The following CSMD1 variants were observed in gnomAD, a reference collection of about 807,000 sequenced individuals.
CSMD1 encodes the protein CUB and sushi domain-containing protein 1.
In CSMD1, 213 loss-of-function variants were observed where a neutral mutation model predicts 417.5. The ratio of observed to expected loss-of-function variants is 0.51; its 90% CI spans 0.46 to 0.57. The LOEUF (loss-of-function observed/expected upper bound fraction) is 0.57. Ranked by LOEUF, CSMD1 falls within the 20% of genes least tolerant of loss-of-function variation. The probability of loss-of-function intolerance (pLI) is 0.00; values close to 1 mark genes in which losing one functional copy is unlikely to be tolerated. For missense variants in CSMD1, 6,923 were observed against 4,529.7 expected, an observed-to-expected ratio of 1.53 and a Z score of -15.17; for synonymous variants, 2,862 against 1,736.8, an observed-to-expected ratio of 1.65 and a Z score of -16.11.
intron 1 of CSMD1, among the ~76,000 whole-genome samples, chr8:4,935,439 G>C (rs1356931729): frequency 3.9e-5 from 6 of 152,202 alleles, no homozygotes; most frequent in Non-Finnish European, 5.9e-5. Flanking sequence ...TCTAATGCTT[G>C]CAGAAGACTA....
Position 4,254,950 on chromosome 8 carries a change from G to C in CSMD1, c.415+165003C>G, listed in dbSNP as rs146196164. ...CATCACTAATCAACACATGACTGGA[G>C]TGGACTCCATAACCATCGACTTTAA... is the stretch of plus-strand genomic sequence containing the variant. On this transcript the variant is annotated intron_variant, in intron 3 of 69. Coordinates refer to ENST00000635120, the MANE Select transcript of CSMD1 (RefSeq NM_033225.6). 1.2e-3 allele frequency among the ~76,000 whole-genome samples: 189 copies of C among 152,302 alleles called. 2 individuals carry two copies. In the East Asian group the frequency reaches 0.029, roughly 23 times the overall value.
At chr8:3,910,862 G>A (rs1215331868) in intron 5 of CSMD1, among the ~76,000 whole-genome samples, 1 of 152,158 alleles carries the variant, frequency 6.6e-6, no homozygotes, top group African/African-American at 2.4e-5. Context: ...TTCCTTGGAT[G>A]CAATGAATTT....
At chr8:3,951,601 A>G (rs1811606118) in intron 5 of CSMD1, among the ~76,000 whole-genome samples, 1 of 152,218 alleles carries the variant, frequency 6.6e-6, no homozygotes, top group Non-Finnish European at 1.5e-5. Flanking sequence ...CGAGAGAAAT[A>G]CTACTACTCT....
chr8:4,824,868 T>A (rs1163584446), intron 1 of CSMD1, among the ~76,000 whole-genome samples: 1 of 152,130 alleles, frequency 6.6e-6, no homozygotes, highest in Non-Finnish European at 1.5e-5. Context: ...GAAATGTCAT[T>A]GTAATAGAAC....
At chr8:3,274,608 G>A (rs780166501) in intron 26 of CSMD1, among the ~76,000 whole-genome samples, 1 of 152,108 alleles carries the variant, frequency 6.6e-6, no homozygotes, top group Non-Finnish European at 1.5e-5. Context: ...GAATCTGGGT[G>A]CTCCTGTATT....
chr8:3,141,192 G>A (rs1818417175), intron 41 of CSMD1, among the ~76,000 whole-genome samples: 1 of 152,166 alleles, frequency 6.6e-6, no homozygotes, highest in South Asian at 2.1e-4. Flanking sequence ...CAGGTGGGAT[G>A]GGAGTACAGG....
intron 4 of CSMD1, among the ~76,000 whole-genome samples, chr8:4,026,310 C>G (rs933145255): frequency 1.3e-5 from 2 of 152,072 alleles, no homozygotes; most frequent in African/African-American, 4.8e-5. Context: ...CTGAGAAAAG[C>G]AAAATTTAAA....
intron 10 of CSMD1, among the ~76,000 whole-genome samples, chr8:3,511,090 T>C (rs1333884155): frequency 6.6e-6 from 1 of 151,748 alleles, no homozygotes; most frequent in Non-Finnish European, 1.5e-5. Context: ...GGGACATGGA[T>C]GAAGCTGGAA....
At chr8:4,149,606 A>G (rs1796459427) in intron 3 of CSMD1, among the ~76,000 whole-genome samples, 1 of 152,212 alleles carries the variant, frequency 6.6e-6, no homozygotes, top group South Asian at 2.1e-4. Flanking sequence ...GAAATAAACA[A>G]CTGGTCCTTC....
chr8:2,955,720 G>A lies in CSMD1; in HGVS notation c.9863C>T (p.Ala3288Val), dbSNP rs1360565794. The change falls in exon 64 of 70, where the codon GCC becomes GTC. Residue 3288 changes from alanine (A) to valine (V), a missense_variant. Transcript: ENST00000635120. ...GTAGCCGAAAGTAGGAAGATCGATG[G>A]CTCTCACATCCGCGTGTGCCGGGGT... ...PETPAHADVR[A>V]IDLPTFGYTL... 1.2e-6 allele frequency: 2 copies of A among 1,613,790 alleles called. No individual in the cohort carries two copies. The highest frequency in any genetic ancestry group is 2.7e-5 in the African/African-American group (2 of 74,928).
At position 4,446,357 on chromosome 8, in the gene CSMD1, G is replaced by A. The variant is rs12216714; in HGVS notation, c.303-26292C>T. ...GAGCCCAGGAGTTTGAAACCAGCCT[G>A]GGCAACATGGCAGAACCCCAACTCC... On this transcript the variant is annotated intron_variant, in intron 2 of 69. Coordinates refer to ENST00000635120, the MANE Select transcript of CSMD1 (RefSeq NM_033225.6). Among the ~76,000 whole-genome samples, 280 of 152,180 alleles carry A rather than the reference G, an allele frequency of 1.8e-3. 1 individual carries two copies. The highest frequency in any genetic ancestry group is 3.3e-3 in the Non-Finnish European group (223 of 67,998).
chr8:4,447,811 G>T (rs1220907837), intron 2 of CSMD1, among the ~76,000 whole-genome samples: 1 of 152,138 alleles, frequency 6.6e-6, no homozygotes, highest in African/African-American at 2.4e-5. Context: ...ACACAACTAA[G>T]AAGTCACAAC....
intron 5 of CSMD1, among the ~76,000 whole-genome samples, chr8:3,916,507 C>T (rs1012041314): frequency 6.6e-6 from 1 of 152,150 alleles, no homozygotes; most frequent in South Asian, 2.1e-4. Context: ...TGGGAATTAA[C>T]TTCCTACTTA....
chr8:3,524,616 TACAC>T (rs769472817), intron 10 of CSMD1, among the ~76,000 whole-genome samples: 221 of 133,720 alleles, frequency 1.7e-3, no homozygotes, highest in Non-Finnish European at 2.7e-3. Context: ...CACATGCACA[TACAC>T]ACATGCACAC....
At chr8:3,685,330 T>G (rs185567548) in intron 7 of CSMD1, among the ~76,000 whole-genome samples, 143 of 152,318 alleles carry the variant, frequency 9.4e-4, no homozygotes, top group Non-Finnish European at 1.8e-3. Context: ...GTAAAAATTT[T>G]TTGAATCTTC....
At chr8:3,195,302 G>C (rs1235092037) in intron 33 of CSMD1, among the ~76,000 whole-genome samples, 3 of 152,148 alleles carry the variant, frequency 2.0e-5, no homozygotes, top group Non-Finnish European at 4.4e-5. Context: ...AAATCCACAG[G>C]AGCCTCGGAG....
intron 4 of CSMD1, among the ~76,000 whole-genome samples, chr8:3,999,939 G>C (rs770986771): frequency 3.9e-5 from 6 of 152,300 alleles, no homozygotes; most frequent in East Asian, 1.9e-4. Flanking sequence ...TTTATTTTAA[G>C]ATTAATAATT....
intron 1 of CSMD1, among the ~76,000 whole-genome samples, chr8:4,845,587 TTATTGGGTTCCTACCATG>T (rs1801095126): frequency 1.3e-5 from 2 of 152,352 alleles, no homozygotes; most frequent in Admixed American, 6.5e-5. Context: ...CAACCAATAT[TTATTGGGTTCCTACCATG>T]TGCCAGGCTC....
At chr8:4,527,145 G>C (rs924206929) in intron 2 of CSMD1, among the ~76,000 whole-genome samples, 9 of 152,146 alleles carry the variant, frequency 5.9e-5, no homozygotes, top group African/African-American at 1.9e-4. Flanking sequence ...AGAAAGTTAA[G>C]TTACCCAATG....
Sources: gnomAD v4.1 joint callset for allele counts (sites outside exome capture counted in the v4.1 genomes callset) on GRCh38, gnomAD v4.1.1 for gene constraint, MANE v1.5 for transcripts, NCBI Gene and HGNC (gene_info 2026-07-23, HGNC 2026-07-21) for gene names.